Variants in LAMA2 observed in about 807,000 individuals in gnomAD.
LAMA2 encodes the protein laminin subunit alpha-2.
A neutral mutation model predicts 364.8 loss-of-function variants in LAMA2; 269 were observed. That is an observed-to-expected ratio of 0.74 (90% CI 0.67 to 0.82). The LOEUF (loss-of-function observed/expected upper bound fraction) is 0.82, where lower values mean the gene tolerates loss of function less well. Ranked by LOEUF, LAMA2 falls within the 40% of genes least tolerant of loss-of-function variation. The probability of loss-of-function intolerance (pLI) is 0.00; values close to 1 mark genes in which losing one functional copy is unlikely to be tolerated. For missense variants in LAMA2, 3,807 were observed against 3,873.2 expected, an observed-to-expected ratio of 0.98 and a Z score of 0.45; for synonymous variants, 1,379 against 1,370.6, an observed-to-expected ratio of 1.01 and a Z score of -0.14.
intron 12 of LAMA2, among the ~76,000 whole-genome samples, chr6:129,198,225 AAT>A (rs1270662978): frequency 4.0e-5 from 6 of 150,544 alleles, no homozygotes; most frequent in African/African-American, 1.5e-4. Flanking sequence ...CATGTCACCT[AAT>A]ATTATTATTA....
intron 41 of LAMA2, chr6:129,436,772 G>A (rs764834924): frequency 1.3e-5 from 2 of 152,028 alleles, no homozygotes; most frequent in Non-Finnish European, 2.9e-5. Flanking sequence ...TAGTTTTACA[G>A]TTCTTTATGA....
chr6:129,436,165 G>A (rs1310396968), intron 41 of LAMA2, among the ~76,000 whole-genome samples: 5 of 152,054 alleles, frequency 3.3e-5, no homozygotes, highest in African/African-American at 4.8e-5. Flanking sequence ...CAGCACAACC[G>A]GGTATAAAAT....
At chr6:128,916,275 A>C (rs1466314094) in intron 1 of LAMA2, among the ~76,000 whole-genome samples, 3 of 152,368 alleles carry the variant, frequency 2.0e-5, no homozygotes, top group Admixed American at 1.3e-4. Context: ...AATTGAGGCC[A>C]AAACTTTTAG....
At chr6:129,105,645 A>G (rs577852348) in intron 4 of LAMA2, among the ~76,000 whole-genome samples, 108 of 152,332 alleles carry the variant, frequency 7.1e-4, no homozygotes, top group African/African-American at 2.5e-3. Context: ...CCAACTGAAG[A>G]AAGAGACTAA....
At chr6:129,483,167 A>G (rs1019836513) in intron 55 of LAMA2, among the ~76,000 whole-genome samples, 10 of 151,814 alleles carry the variant, frequency 6.6e-5, no homozygotes, top group Non-Finnish European at 1.3e-4. Context: ...ACAGTCATTC[A>G]TGATTTTTAA....
At chr6:129,024,127 G>A (rs111573349) in intron 1 of LAMA2, among the ~76,000 whole-genome samples, 2 of 152,026 alleles carry the variant, frequency 1.3e-5, no homozygotes, top group African/African-American at 4.8e-5. Flanking sequence ...ATTTCTGAAC[G>A]TTAATTTGTA....
intron 18 of LAMA2, among the ~76,000 whole-genome samples, chr6:129,282,024 A>C (rs757728522): frequency 2.9e-4 from 44 of 152,224 alleles, no homozygotes; most frequent in Non-Finnish European, 5.6e-4. Context: ...TACTGGTTGC[A>C]TTAAAAATCT....
intron 1 of LAMA2, among the ~76,000 whole-genome samples, chr6:128,921,751 C>A (rs184995944): frequency 6.7e-6 from 1 of 148,164 alleles, no homozygotes; most frequent in Non-Finnish European, 1.5e-5. Flanking sequence ...TACATGTGCA[C>A]AATGTGCCGA....
At chr6:129,040,446 T>C (rs1194097243) in intron 1 of LAMA2, among the ~76,000 whole-genome samples, 1 of 151,832 alleles carries the variant, frequency 6.6e-6, no homozygotes, top group Non-Finnish European at 1.5e-5. Flanking sequence ...CAGAGCAAGA[T>C]CCATCTTTAC....
chr6:129,108,627 G>A lies in LAMA2; in HGVS notation c.639+10212G>A, dbSNP rs555931357. On this transcript the variant is annotated intron_variant, in intron 4 of 64. Transcript: ENST00000421865. ...TTCTTAAAAGACCTTCCCTTTTAAG[G>A]GAACTTACATTTTCCCTTCAATACT... Among the ~76,000 whole-genome samples the A allele has an allele frequency of 5.1e-3, 778 of 152,062 alleles. 6 individuals carry two copies. The highest frequency in any genetic ancestry group is 0.014 in the Middle Eastern group (4 of 294).
intron 8 of LAMA2, among the ~76,000 whole-genome samples, chr6:129,162,229 A>T (rs1369224266): frequency 6.6e-6 from 1 of 152,176 alleles, no homozygotes. Flanking sequence ...AGCTCATGAT[A>T]TAGTGATATA....
intron 19 of LAMA2, 77 bp from the exon 20 acceptor site, chr6:129,291,535 TGG>T: frequency 1.0e-6 from 1 of 959,408 alleles, no homozygotes; most frequent in Non-Finnish European, 1.7e-6. Context: ...TGTTACCATG[TGG>T]GGTATATTAT....
At chr6:129,321,344 C>A (rs1774954515) in intron 28 of LAMA2, among the ~76,000 whole-genome samples, 2 of 152,136 alleles carry the variant, frequency 1.3e-5, no homozygotes, top group South Asian at 2.1e-4. Flanking sequence ...CTCGACTTCA[C>A]CATACAGTAA....
At chr6:129,230,145 G>A (rs1457005577) in intron 12 of LAMA2, among the ~76,000 whole-genome samples, 3 of 152,134 alleles carry the variant, frequency 2.0e-5, no homozygotes, top group Admixed American at 2.0e-4. Flanking sequence ...TTAGGAAACT[G>A]AGGACGAACT....
chr6:128,964,068 T>A (rs1781698979), intron 1 of LAMA2, among the ~76,000 whole-genome samples: 1 of 152,124 alleles, frequency 6.6e-6, no homozygotes, highest in African/African-American at 2.4e-5. Context: ...CACAGTCTTT[T>A]TCTTTGAAGG....
intron 1 of LAMA2, among the ~76,000 whole-genome samples, chr6:128,974,013 G>A (rs566434662): frequency 6.6e-6 from 1 of 152,254 alleles, no homozygotes; most frequent in South Asian, 2.1e-4. Context: ...GCTTTTCTAA[G>A]CTTTGCACAT....
At chr6:129,051,258 AATAT>A (rs1263868333) in intron 2 of LAMA2, among the ~76,000 whole-genome samples, 2 of 148,108 alleles carry the variant, frequency 1.4e-5, no homozygotes, top group African/African-American at 4.9e-5. Context: ...TAAAGGTAAA[AATAT>A]ATATTATTTA....
intron 29 of LAMA2, among the ~76,000 whole-genome samples, chr6:129,329,827 C>G (rs1775525328): frequency 6.6e-6 from 1 of 152,126 alleles, no homozygotes; most frequent in Non-Finnish European, 1.5e-5. Flanking sequence ...TTTTAGAAAC[C>G]AGACCACACA....
At chr6:128,910,591 C>T (rs1180397054) in intron 1 of LAMA2, among the ~76,000 whole-genome samples, 5 of 152,096 alleles carry the variant, frequency 3.3e-5, no homozygotes, top group African/African-American at 4.8e-5. Flanking sequence ...AATGTCCTCC[C>T]GTAGCTCAGA....
Sources: allele counts gnomAD v4.1 joint callset (sites outside exome capture counted in the v4.1 genomes callset), GRCh38; gene constraint gnomAD v4.1.1; transcripts MANE v1.5; gene names NCBI Gene and HGNC (gene_info 2026-07-23, HGNC 2026-07-21).